Variants in CHKA observed in about 807,000 individuals in gnomAD.
CHKA encodes CHETK-alpha.
In CHKA, 34 loss-of-function variants were observed where a neutral mutation model predicts 60.1. The ratio of observed to expected loss-of-function variants is 0.57; its 90% confidence interval spans 0.43 to 0.75. The LOEUF (loss-of-function observed/expected upper bound fraction) is 0.75, where lower values mean the gene tolerates loss of function less well. Among genes scored for constraint, CHKA ranks in the 30% least tolerant of loss-of-function variants. CHKA has a pLI of 0.00. For missense variants in CHKA, 563 were observed against 561.3 expected, an observed-to-expected ratio of 1.00 and a Z score of -0.03; for synonymous variants, 217 against 223.1, an observed-to-expected ratio of 0.97 and a Z score of 0.24.
chr11:68,066,598 T>G lies in CHKA; in HGVS notation c.929-82A>C, dbSNP rs953967855. 3.7e-6 allele frequency: 4 copies of G among 1,082,628 alleles called. No individual in the cohort carries two copies. In the South Asian group the frequency reaches 3.9e-5, roughly 11 times the overall value. The allele number at this position is 1,082,628 out of a possible 1,614,324, so 67.1% of individuals were successfully genotyped here. On this transcript the variant is annotated intron_variant, in intron 7 of 11. Coordinates refer to ENST00000265689, the MANE Select transcript of CHKA (RefSeq NM_001277.3). ...GAACAGCAGAGCCGAGAGAATGGAT[T>G]TGATCCCTTAGGGAATCCTAACTGA...
At chr11:68,106,067 A>G (rs1448309955) in intron 1 of CHKA, among the ~76,000 whole-genome samples, 1 of 152,256 alleles carries the variant, frequency 6.6e-6, no homozygotes, top group Non-Finnish European at 1.5e-5. Flanking sequence ...TTTAGAGCAC[A>G]AGGAAAATAA....
chr11:68,084,182 G>A (rs563449591), intron 2 of CHKA, among the ~76,000 whole-genome samples: 1 of 150,270 alleles, frequency 6.7e-6, no homozygotes, highest in African/African-American at 2.4e-5. Flanking sequence ...GGGAAGAAGA[G>A]GTTGTAGTGA....
intron 1 of CHKA, among the ~76,000 whole-genome samples, chr11:68,099,164 G>T (rs1396236344): frequency 6.6e-6 from 1 of 152,176 alleles, no homozygotes; most frequent in East Asian, 1.9e-4. Flanking sequence ...CCAGGAGCTG[G>T]GGTGGGAAGG....
chr11:68,109,901 G>A (rs1427812844), intron 1 of CHKA, among the ~76,000 whole-genome samples: 3 of 152,120 alleles, frequency 2.0e-5, no homozygotes, highest in South Asian at 2.1e-4. Flanking sequence ...GCAGTGAGCC[G>A]AGGTCACGCC....
rs374516072 is a variant in CHKA at position 68,110,486 on chromosome 11, C to T, written c.350+10342G>A. On this transcript the variant is annotated intron_variant, in intron 1 of 11. Coordinates refer to ENST00000265689, the MANE Select transcript of CHKA (RefSeq NM_001277.3). ...TAAGTGGAATTTGAAATTAAAAGCACATTACCATTTATATGAGCACCCCCA... is the reference window on the plus strand; with the variant it reads ...TAAGTGGAATTTGAAATTAAAAGCATATTACCATTTATATGAGCACCCCCA... Among the ~76,000 whole-genome samples the T allele has an allele frequency of 6.6e-5, 10 of 152,240 alleles. 1 individual carries two copies. The highest frequency in any genetic ancestry group is 5.2e-4 in the Admixed American group (8 of 15,270).
In CHKA at chr11:68,074,809, C is replaced by G; in HGVS notation, c.538G>C (p.Glu180Gln). The change falls in exon 4 of 12, where the codon GAG becomes CAG. Residue 180 changes from glutamate (E) to glutamine (Q), a missense_variant. Coordinates refer to ENST00000265689, the MANE Select transcript of CHKA (RefSeq NM_001277.3). ...EFQGAEAMVL[E>Q]SVMFAILAER... is the part of the protein sequence containing the mutation. ...GCGAGAATGGCAAACATAACGCTCT[C>G]CAGAACCATGGCCTCAGCCCCCTAA... The G allele has an allele frequency of 6.2e-7, 1 of 1,614,198 alleles. No homozygotes were observed. Among genetic ancestry groups the G allele is most frequent in the Non-Finnish European group, 8.5e-7 (1 of 1,180,028 alleles).
At chr11:68,107,259 A>G (rs1369365811) in intron 1 of CHKA, among the ~76,000 whole-genome samples, 3 of 152,096 alleles carry the variant, frequency 2.0e-5, no homozygotes, top group Non-Finnish European at 4.4e-5. Context: ...CTCAAAAAAA[A>G]AAATGTTCAA....
intron 1 of CHKA, among the ~76,000 whole-genome samples, chr11:68,108,400 CTGA>C (rs1857998082): frequency 1.3e-5 from 2 of 152,204 alleles, no homozygotes; most frequent in South Asian, 4.1e-4. Flanking sequence ...AAGTCGCCAC[CTGA>C]TCCTAACAAC....
At chr11:68,116,531 T>G (rs1161397984) in intron 1 of CHKA, among the ~76,000 whole-genome samples, 1 of 151,256 alleles carries the variant, frequency 6.6e-6, no homozygotes, top group African/African-American at 2.4e-5. Context: ...GGCCAACATG[T>G]GAAACCTTGT....
chr11:68,057,967 G>C (rs1249627080), intron 11 of CHKA, among the ~76,000 whole-genome samples: 2 of 152,180 alleles, frequency 1.3e-5, no homozygotes, highest in Non-Finnish European at 2.9e-5. Context: ...TGTGATCACA[G>C]CTCCCCTGAC....
At position 68,068,885 on chromosome 11, in the gene CHKA, G is replaced by C. The variant is rs1856528393; in HGVS notation, c.922C>G (p.Gln308Glu). 6.2e-7 allele frequency: 1 copy of C among 1,609,312 alleles called. No individual in the cohort carries two copies. Among genetic ancestry groups the C allele is most frequent in the Non-Finnish European group, 8.5e-7 (1 of 1,176,256 alleles). Residue 308 changes from glutamine to glutamate, a missense_variant, in exon 7 of 12, where the codon CAA (glutamine) becomes GAA (glutamate). By Grantham distance (29) the Gln-to-Glu change is conservative (BLOSUM62 2). Transcript: ENST00000265689. ...SPVVFCHNDC[Q>E]EGNILLLEGR... is the part of the protein sequence containing the mutation. ...AGAACATAGCAATTCTTACCTTCTT[G>C]ACAGTCATTATGACAAAATACAACT...
intron 9 of CHKA, among the ~76,000 whole-genome samples, chr11:68,065,231 C>CA (rs1245778153): frequency 2.0e-5 from 3 of 152,050 alleles, no homozygotes; most frequent in East Asian, 1.9e-4. Context: ...CTGGGCTTTT[C>CA]AAAAAAATAC....
intron 1 of CHKA, among the ~76,000 whole-genome samples, chr11:68,117,333 G>A (rs1000010515): frequency 1.4e-4 from 21 of 152,322 alleles, no homozygotes; most frequent in African/African-American, 4.8e-4. Flanking sequence ...CTCAATGTTA[G>A]TTGCTGTGGT....
chr11:68,114,805 T>C (rs2153032310), intron 1 of CHKA, among the ~76,000 whole-genome samples: 1 of 152,220 alleles, frequency 6.6e-6, no homozygotes, highest in Non-Finnish European at 1.5e-5. Context: ...TACTGTGTGA[T>C]TCCAATTCTA....
intron 2 of CHKA, among the ~76,000 whole-genome samples, chr11:68,086,278 C>A (rs934125162): frequency 1.3e-5 from 2 of 152,078 alleles, no homozygotes; most frequent in Admixed American, 6.5e-5. Context: ...CGCGCCACTG[C>A]ACCCCAGCCT....
rs1858620149 is a variant in CHKA, at chr11:68,120,972, A to AGCGGCC, written c.205_206insGGCCGC (p.Pro68_Leu69insArgPro). On this transcript the variant is annotated inframe_insertion, in exon 1 of 12. Transcript: ENST00000265689. Reference sequence around the variant, plus strand: ...CGGCTGCGGCGGCGGGGGCTGGGGCAGCGGCAGCGGCAGCGGCAGCGGCGG... The same window carrying AGCGGCC: ...CGGCTGCGGCGGCGGGGGCTGGGGCAGCGGCCGCGGCAGCGGCAGCGGCAGCGGCGG... 42 of 1,101,088 alleles carry AGCGGCC rather than the reference A, an allele frequency of 3.8e-5. 1 individual carries two copies. The South Asian group carries it at 1.2e-3, about 31-fold the overall frequency. 68.2% of individuals were successfully genotyped at this position (1,101,088 alleles called of 1,614,324 possible). A position where few individuals can be genotyped will look rare whatever the true frequency, so the allele number is the denominator to read the frequency against.
chr11:68,086,655 C>T (rs1416703546), intron 2 of CHKA, among the ~76,000 whole-genome samples: 1 of 152,152 alleles, frequency 6.6e-6, no homozygotes, highest in Non-Finnish European at 1.5e-5. Context: ...GTGAAAGCGG[C>T]ATAAAGAAAG....
At chr11:68,078,915 A>C (rs1351907114) in intron 3 of CHKA, among the ~76,000 whole-genome samples, 1 of 151,858 alleles carries the variant, frequency 6.6e-6, no homozygotes, top group African/African-American at 2.4e-5. Flanking sequence ...GTCATAGTTC[A>C]GTTATTATTT....
intron 4 of CHKA, among the ~76,000 whole-genome samples, chr11:68,073,758 T>C (rs1856697562): frequency 6.6e-6 from 1 of 152,202 alleles, no homozygotes; most frequent in Non-Finnish European, 1.5e-5. Flanking sequence ...CTGCCAGGCA[T>C]CCTAGTGCTG....
Sources: gnomAD v4.1 joint callset for allele counts (sites outside exome capture counted in the v4.1 genomes callset) on GRCh38, gnomAD v4.1.1 for gene constraint, MANE v1.5 for transcripts, NCBI Gene and HGNC (gene_info 2026-07-23, HGNC 2026-07-21) for gene names.